The following MARCHF1 variants were observed in gnomAD, a reference collection of about 807,000 sequenced individuals.
The protein encoded by MARCHF1 is E3 ubiquitin-protein ligase MARCHF1.
Under a neutral mutation model 54.2 loss-of-function variants are expected in MARCHF1, and 40 were observed. The ratio of observed to expected loss-of-function variants is 0.74; its 90% CI spans 0.57 to 0.96. MARCHF1 has a LOEUF of 0.96. MARCHF1 is among the 40% of genes least tolerant of loss of function. The probability of loss-of-function intolerance (pLI) is 0.00; values close to 1 mark genes in which losing one functional copy is unlikely to be tolerated. For synonymous variants in MARCHF1, 236 were observed against 236.3 expected (o/e 1.00, Z 0.01); for missense variants, 586 against 656.5 (o/e 0.89, Z 1.17).
chr4:164,224,961 C>A (rs1204745612), intron 1 of MARCHF1, among the ~76,000 whole-genome samples: 2 of 151,822 alleles, frequency 1.3e-5, no homozygotes, highest in African/African-American at 4.8e-5. Flanking sequence ...AAAATCAAAA[C>A]AAAACAAATA....
intron 3 of MARCHF1, among the ~76,000 whole-genome samples, chr4:163,886,448 A>G (rs945515796): frequency 1.1e-4 from 16 of 152,034 alleles, no homozygotes; most frequent in Non-Finnish European, 1.8e-4. Context: ...AAGCATCTCA[A>G]CCAAAAAATT....
At chr4:163,923,496 G>T (rs968742239) in intron 3 of MARCHF1, among the ~76,000 whole-genome samples, 5 of 152,118 alleles carry the variant, frequency 3.3e-5, no homozygotes, top group Non-Finnish European at 5.9e-5. Context: ...ATGAAAAATT[G>T]CCCAAGCTGA....
chr4:163,963,111 A>C (rs1752372645), intron 3 of MARCHF1, among the ~76,000 whole-genome samples: 1 of 151,926 alleles, frequency 6.6e-6, no homozygotes, highest in African/African-American at 2.4e-5. Flanking sequence ...ACCTTCCAAA[A>C]ATCCACTAAA....
intron 1 of MARCHF1, among the ~76,000 whole-genome samples, chr4:164,360,579 GTTGT>G (rs1730695689): frequency 6.6e-6 from 1 of 152,126 alleles, no homozygotes; most frequent in Non-Finnish European, 1.5e-5. Flanking sequence ...CACCCAAAGA[GTTGT>G]TTAAGTGTCG....
At chr4:163,996,728 C>G (rs891483238) in intron 2 of MARCHF1, among the ~76,000 whole-genome samples, 1 of 151,998 alleles carries the variant, frequency 6.6e-6, no homozygotes, top group Non-Finnish European at 1.5e-5. Flanking sequence ...CAGAACTCTT[C>G]TCAGTCAAAT....
At chr4:164,038,213 GC>G (rs1176780652) in intron 2 of MARCHF1, among the ~76,000 whole-genome samples, 4 of 152,124 alleles carry the variant, frequency 2.6e-5, no homozygotes, top group African/African-American at 9.7e-5. Context: ...AAAAATAAAG[GC>G]CAGGAACAGT....
intron 2 of MARCHF1, among the ~76,000 whole-genome samples, chr4:164,100,913 C>A (rs567773624): frequency 2.6e-5 from 4 of 152,188 alleles, no homozygotes; most frequent in East Asian, 3.9e-4. Flanking sequence ...GCGCACAGTG[C>A]GCGAGCCGAA....
At chr4:163,548,422 A>G (rs1246983020) in intron 8 of MARCHF1, among the ~76,000 whole-genome samples, 1 of 152,182 alleles carries the variant, frequency 6.6e-6, no homozygotes, top group Non-Finnish European at 1.5e-5. Context: ...AAATGGCTGG[A>G]ACACTATTAA....
At chr4:163,810,905 G>A (rs994497241) in intron 4 of MARCHF1, among the ~76,000 whole-genome samples, 1 of 151,802 alleles carries the variant, frequency 6.6e-6, no homozygotes, top group African/African-American at 2.4e-5. Flanking sequence ...AAACCTTTAA[G>A]CAATAGTGAC....
intron 2 of MARCHF1, among the ~76,000 whole-genome samples, chr4:164,106,522 A>T (rs1398072580): frequency 7.4e-6 from 1 of 134,862 alleles, no homozygotes; most frequent in Non-Finnish European, 1.6e-5. Flanking sequence ...AAGAACAAAA[A>T]ACCAAACACC....
chr4:164,174,048 C>T (rs559870769), intron 1 of MARCHF1, among the ~76,000 whole-genome samples: 11 of 152,252 alleles, frequency 7.2e-5, no homozygotes, highest in Admixed American at 1.3e-4. Context: ...CTTTCTAAAA[C>T]GTGTCCATTA....
chr4:163,782,256 G>A (rs1747485920), intron 4 of MARCHF1, among the ~76,000 whole-genome samples: 2 of 152,206 alleles, frequency 1.3e-5, no homozygotes, highest in Non-Finnish European at 1.5e-5. Context: ...AACTCTCTGG[G>A]AGGAGATAGA....
chr4:164,339,916 C>T (rs987519481), intron 1 of MARCHF1, among the ~76,000 whole-genome samples: 16 of 151,912 alleles, frequency 1.1e-4, no homozygotes, highest in Admixed American at 2.0e-4. Flanking sequence ...ACAAATAATC[C>T]GAATATTATT....
At chr4:163,788,484 G>A (rs952570460) in intron 4 of MARCHF1, among the ~76,000 whole-genome samples, 1 of 151,862 alleles carries the variant, frequency 6.6e-6, no homozygotes, top group Admixed American at 6.6e-5. Flanking sequence ...AGTTTCCTTC[G>A]TCTCCTCTGA....
At chr4:163,827,494 G>A (rs1748887551) in intron 4 of MARCHF1, among the ~76,000 whole-genome samples, 1 of 152,072 alleles carries the variant, frequency 6.6e-6, no homozygotes, top group Admixed American at 6.6e-5. Flanking sequence ...GAATAAATGT[G>A]TTTCACAAAA....
chr4:163,701,947 G>A (rs370373798), intron 4 of MARCHF1, among the ~76,000 whole-genome samples: 3 of 152,158 alleles, frequency 2.0e-5, no homozygotes, highest in East Asian at 3.9e-4. Context: ...ACAACCCGTG[G>A]GGCTGAAATT....
intron 3 of MARCHF1, among the ~76,000 whole-genome samples, chr4:163,896,156 A>G (rs1432613681): frequency 1.3e-5 from 2 of 152,162 alleles, no homozygotes. Flanking sequence ...TATTGTGCCA[A>G]AAAAGAATAA....
intron 1 of MARCHF1, among the ~76,000 whole-genome samples, chr4:164,137,253 G>A (rs763680463): frequency 6.6e-6 from 1 of 152,048 alleles, no homozygotes; most frequent in East Asian, 1.9e-4. Context: ...CTTTAAAATT[G>A]TCAGGATTTT....
Position 163,817,302 on chromosome 4 carries a change from CATACATATATATGTACATATACACAT to C in MARCHF1, c.111+36693_111+36718del, listed in dbSNP as rs536773060. 6.4e-3 allele frequency among the ~76,000 whole-genome samples: 969 copies of C among 151,046 alleles called. 5 individuals are homozygous for C. Among genetic ancestry groups the C allele is most frequent in the South Asian group, 0.015 (71 of 4,806 alleles). On this transcript the variant is annotated intron_variant, in intron 4 of 9. Transcript: ENST00000514618. The stretch of plus-strand genomic sequence containing the variant: ...GTGTTTGTGTGTATACATATACATA[CATACATATATATGTACATATACACAT>C]ATACATATATATGTACATATACACA...
Sources: allele counts gnomAD v4.1 joint callset (sites outside exome capture counted in the v4.1 genomes callset), GRCh38; gene constraint gnomAD v4.1.1; transcripts MANE v1.5; gene names NCBI Gene and HGNC (gene_info 2026-07-23, HGNC 2026-07-21).